The following VPS35L variants were observed in gnomAD, a reference collection of about 807,000 sequenced individuals.
VPS35L encodes the protein VPS35 endosomal protein sorting factor like.
A neutral mutation model predicts 133.0 loss-of-function variants in VPS35L; 83 were observed. The observed-to-expected ratio is 0.62, with a 90% CI of 0.52 to 0.75. The LOEUF is 0.75. VPS35L is among the 30% of genes least tolerant of loss of function. VPS35L has a pLI of 0.00. For missense variants in VPS35L, 1,083 were observed against 1,206.8 expected, an observed-to-expected ratio of 0.90 and a Z score of 1.52; for synonymous variants, 423 against 449.9, an observed-to-expected ratio of 0.94 and a Z score of 0.76.
At chr16:19,662,148 A>G (rs561740270) in intron 26 of VPS35L, among the ~76,000 whole-genome samples, 1 of 152,158 alleles carries the variant, frequency 6.6e-6, no homozygotes, top group East Asian at 1.9e-4. Context: ...GGCAGGAGTG[A>G]GCTATGACGG....
At chr16:19,662,840 C>T (rs1157668533) in intron 26 of VPS35L, among the ~76,000 whole-genome samples, 1 of 152,006 alleles carries the variant, frequency 6.6e-6, no homozygotes, top group Non-Finnish European at 1.5e-5. Context: ...AACCGAGCTC[C>T]TACAGGGGCA....
intron 5 of VPS35L, chr16:19,578,501 G>T (rs1014444055): frequency 1.1e-5 from 4 of 358,382 alleles, no homozygotes; most frequent in Non-Finnish European, 2.2e-5. Context: ...TGGCCTGGGG[G>T]CCCTTCCTTC....
intron 14 of VPS35L, among the ~76,000 whole-genome samples, chr16:19,623,027 G>A (rs1336625790): frequency 1.3e-5 from 2 of 152,136 alleles, no homozygotes; most frequent in East Asian, 1.9e-4. Flanking sequence ...GTCCAGAGCC[G>A]ACAGCATCCA....
chr16:19,686,481 T>C (rs1975464628), intron 28 of VPS35L, among the ~76,000 whole-genome samples: 1 of 152,120 alleles, frequency 6.6e-6, no homozygotes, highest in South Asian at 2.1e-4. Flanking sequence ...TGTGTCTTTA[T>C]TGGAAGAGTA....
chr16:19,676,371 C>T (rs1360249877), intron 27 of VPS35L, among the ~76,000 whole-genome samples: 1 of 152,258 alleles, frequency 6.6e-6, no homozygotes, highest in African/African-American at 2.4e-5. Context: ...GGCCCTCTCT[C>T]CCCTGCAGAC....
At chr16:19,651,248 G>T (rs1459080504) in intron 25 of VPS35L, among the ~76,000 whole-genome samples, 1 of 150,280 alleles carries the variant, frequency 6.7e-6, no homozygotes, top group South Asian at 2.1e-4. Flanking sequence ...ATGTGATGCT[G>T]CTCAAAATTT....
chr16:19,671,162 TG>T (rs1974859019), intron 27 of VPS35L, among the ~76,000 whole-genome samples: 1 of 152,198 alleles, frequency 6.6e-6, no homozygotes, highest in African/African-American at 2.4e-5. Context: ...GTGTTTTATT[TG>T]CTGCATTAAA....
intron 27 of VPS35L, among the ~76,000 whole-genome samples, chr16:19,677,335 G>A (rs903004517): frequency 1.4e-4 from 21 of 151,974 alleles, no homozygotes; most frequent in Non-Finnish European, 2.6e-4. Context: ...CACCTGCCTC[G>A]GCCTCCCAGA....
intron 7 of VPS35L, among the ~76,000 whole-genome samples, chr16:19,588,255 C>T (rs7189716): frequency 0.013 from 1,930 of 152,076 alleles, 45 homozygotes; most frequent in African/African-American, 0.043. Context: ...CATCTTGGCT[C>T]GGCTCACTGA....
chr16:19,573,962 T>G (rs36109220), intron 4 of VPS35L, among the ~76,000 whole-genome samples: 5 of 152,036 alleles, frequency 3.3e-5, no homozygotes, highest in African/African-American at 4.8e-5. Flanking sequence ...GGCCATTAGG[T>G]GAAGTAGTTG....
intron 18 of VPS35L, 151 bp from the exon 19 acceptor site, chr16:19,632,941 C>G: frequency 1.5e-6 from 1 of 660,896 alleles, no homozygotes; most frequent in South Asian, 1.8e-5. Flanking sequence ...AGTGAGATTT[C>G]CTCCCTTCCG....
At chr16:19,617,199 A>T in intron 14 of VPS35L, 1 of 500,878 alleles carries the variant, frequency 2.0e-6, no homozygotes, top group Non-Finnish European at 3.6e-6. Context: ...CTACAAAAAA[A>T]TAGAAAAAAT....
chr16:19,649,289 C>G (rs1293484138), intron 24 of VPS35L, among the ~76,000 whole-genome samples: 1 of 152,144 alleles, frequency 6.6e-6, no homozygotes, highest in African/African-American at 2.4e-5. Flanking sequence ...CAAGCCCTGC[C>G]AATTTTTTTC....
chr16:19,665,626 T>G (rs564553081), intron 26 of VPS35L, among the ~76,000 whole-genome samples: 1 of 152,356 alleles, frequency 6.6e-6, no homozygotes, highest in African/African-American at 2.4e-5. Flanking sequence ...TTGTGAACAG[T>G]GCTAAAACAA....
intron 4 of VPS35L, among the ~76,000 whole-genome samples, chr16:19,574,748 G>A (rs1369788438): frequency 6.6e-6 from 1 of 152,044 alleles, no homozygotes; most frequent in Non-Finnish European, 1.5e-5. Context: ...ATTGGGTGGA[G>A]GCCAGAGATG....
At chr16:19,625,074 T>TAAAA (rs34264684) in intron 14 of VPS35L, among the ~76,000 whole-genome samples, 1 of 148,490 alleles carries the variant, frequency 6.7e-6, no homozygotes, top group Non-Finnish European at 1.5e-5. Flanking sequence ...TCCAATGAGT[T>TAAAA]AAAAAAAAAA....
rs575516545 is a variant in VPS35L at position 19,642,528 on chromosome 16, C to T, written c.1865+52C>T. 4 of 1,446,342 alleles carry T rather than the reference C, an allele frequency of 2.8e-6. No individual in the cohort carries two copies. In the South Asian group the frequency reaches 4.7e-5, roughly 17 times the overall value. 89.6% of individuals were successfully genotyped at this position (1,446,342 alleles called of 1,614,324 possible). A position where few individuals can be genotyped will look rare whatever the true frequency, so the allele number is the denominator to read the frequency against. ...AACATGGATTGGGTCTTAATGCCAC[C>T]TAATAGGACATTAGGGAATGACTGC... On this transcript the variant is annotated intron_variant, in intron 22 of 30. Coordinates refer to ENST00000417362, the MANE Select transcript of VPS35L (RefSeq NM_020314.7).
At position 19,610,340 on chromosome 16, in the gene VPS35L, G is replaced by T. The variant is rs762137571; in HGVS notation, c.948G>T (p.Leu316=). ...FLSKTGISEC[L]PRLTCMIRGI... ...CTTGCAGGGGAATTTCAGAGTGCCT[G>T]CCCCGGTTGACATGCATGATCAGAG... The change falls in exon 12 of 31, where the codon CTG becomes CTT. Residue 316 remains leucine (L), a synonymous_variant. Transcript: ENST00000417362. The T allele has an allele frequency of 6.2e-6, 10 of 1,614,032 alleles. No homozygotes were observed. The South Asian group carries it at 1.1e-4, about 18-fold the overall frequency.
intron 25 of VPS35L, 128 bp from the exon 26 acceptor site, chr16:19,651,848 A>G: frequency 1.4e-6 from 1 of 724,150 alleles, no homozygotes; most frequent in African/African-American, 1.7e-5. Flanking sequence ...AGAGGGGAAA[A>G]TGGGGCTCAG....
Sources: allele counts gnomAD v4.1 joint callset (sites outside exome capture counted in the v4.1 genomes callset), GRCh38; gene constraint gnomAD v4.1.1; transcripts MANE v1.5; gene names NCBI Gene and HGNC (gene_info 2026-07-23, HGNC 2026-07-21).